MRPL17: variants seen among roughly 807,000 people sequenced by gnomAD.
The protein encoded by MRPL17 is mitochondrial ribosomal protein L17, also known as large ribosomal subunit protein bL17m.
Under a neutral mutation model 12.0 loss-of-function variants are expected in MRPL17, and 8 were observed. The ratio of observed to expected loss-of-function variants is 0.67; its 90% CI spans 0.39 to 1.21. MRPL17 has a LOEUF of 1.21. MRPL17 is among the 50% of genes most tolerant of loss of function. MRPL17 has a pLI of 0.01. For synonymous variants in MRPL17, 107 were observed against 92.9 expected (o/e 1.15, Z -0.87); for missense variants, 263 against 234.4 (o/e 1.12, Z -0.80).
At position 6,682,317 on chromosome 11, in the gene MRPL17, A is replaced by G. The variant is rs1846574809; in HGVS notation, c.329T>C (p.Ile110Thr). 1.2e-6 allele frequency: 2 copies of G among 1,614,026 alleles called. No homozygotes were observed. The highest frequency in any genetic ancestry group is 1.7e-6 in the Non-Finnish European group (2 of 1,180,046). ...QTGGYTRMLQ[I>T]PNRSLDRAKM... ...GGCCCGATCCAAACTCCGATTTGGG[A>G]TCTGCAGCATTCTTGTGTAGCCCCC... Residue 110 changes from isoleucine to threonine, a missense_variant, in exon 3 of 3, where the codon ATC becomes ACC. Ile to Thr is a moderately conservative substitution (Grantham distance 89, BLOSUM62 -1). Coordinates refer to ENST00000288937, the MANE Select transcript of MRPL17 (RefSeq NM_022061.4).
Position 6,681,126 on chromosome 11 carries a change from C to G in MRPL17, c.*992G>C, listed in dbSNP as rs16917015. 12,567 of 152,176 alleles carry G rather than the reference C, an allele frequency of 0.083. 579 individuals carry two copies. The highest frequency in any genetic ancestry group is 0.12 in the African/African-American group (4,904 of 41,496). 9.4% of individuals were successfully genotyped at this position (152,176 alleles called of 1,614,324 possible). On this transcript the variant is annotated 3_prime_UTR_variant, in exon 3 of 3. Coordinates refer to ENST00000288937, the MANE Select transcript of MRPL17 (RefSeq NM_022061.4). ...ACTTTACTGGGGATATGGCAATTAT[C>G]AGGCACTGCTATCAAGTGTTTGGAC...
intron 1 of MRPL17, 99 bp from the exon 2 acceptor site, chr11:6,682,914 A>C: frequency 7.6e-7 from 1 of 1,321,764 alleles, no homozygotes; most frequent in South Asian, 1.3e-5. Context: ...TCCACTAGCC[A>C]AGCATCTCCA....
Position 6,682,289 on chromosome 11 carries a change from C to T in MRPL17, c.357G>A (p.Lys119=), listed in dbSNP as rs773862905. 9.3e-6 allele frequency: 15 copies of T among 1,614,090 alleles called. No homozygotes were observed. Among genetic ancestry groups the T allele is most frequent in the Non-Finnish European group, 1.3e-5 (15 of 1,180,044 alleles). The change falls in exon 3 of 3, where the codon AAG becomes AAA. Residue 119 remains lysine (K), a synonymous_variant. Transcript: ENST00000288937. ...QIPNRSLDRA[K]MAVIEYKGNC... Reference sequence around the variant, plus strand: ...TCCCTTTATACTCGATCACTGCCATCTTGGCCCGATCCAAACTCCGATTTG... The same window carrying T: ...TCCCTTTATACTCGATCACTGCCATTTTGGCCCGATCCAAACTCCGATTTG...
chr11:6,682,309 G>C lies in MRPL17; in HGVS notation c.337C>G (p.Arg113Gly). 2 of 1,614,170 alleles carry C rather than the reference G, an allele frequency of 1.2e-6. No individual in the cohort carries two copies. Among genetic ancestry groups the C allele is most frequent in the Non-Finnish European group, 1.7e-6 (2 of 1,180,030 alleles). The change falls in exon 3 of 3, where the codon CGG (arginine) becomes GGG (glycine). Residue 113 changes from arginine (R) to glycine (G), a missense_variant. Physicochemically the swap from Arg to Gly is moderately radical, Grantham distance 125. Transcript: ENST00000288937. ...GYTRMLQIPNRSLDRAKMAVI... is the reference protein window; with the variant it reads ...GYTRMLQIPNGSLDRAKMAVI... Reference sequence around the variant, plus strand: ...GCCATCTTGGCCCGATCCAAACTCCGATTTGGGATCTGCAGCATTCTTGTG... The same window carrying C: ...GCCATCTTGGCCCGATCCAAACTCCCATTTGGGATCTGCAGCATTCTTGTG...
chr11:6,682,690 A>G lies in MRPL17; in HGVS notation c.243+57T>C. 3.9e-6 allele frequency: 6 copies of G among 1,547,668 alleles called. No individual in the cohort carries two copies. The South Asian group carries it at 6.7e-5, about 17-fold the overall frequency. Reference sequence around the variant, plus strand: ...ATTCTGCATAGTTCTCCTTTTTCCAACCCCCACCCCCAGGGAGCAAAGGGT... The same window carrying G: ...ATTCTGCATAGTTCTCCTTTTTCCAGCCCCCACCCCCAGGGAGCAAAGGGT... On this transcript the variant is annotated intron_variant, in intron 2 of 2. Transcript: ENST00000288937.
chr11:6,681,162 G>A lies in MRPL17; in HGVS notation c.*956C>T, dbSNP rs1221866026. On this transcript the variant is annotated 3_prime_UTR_variant, in exon 3 of 3. Coordinates refer to ENST00000288937, the MANE Select transcript of MRPL17 (RefSeq NM_022061.4). ...ATCAAGTGTTTGGACCAAGACTGAT[G>A]GCTCCTTTCTAAGTCCTTCCATAAC... 1 of 152,170 alleles carries A rather than the reference G, an allele frequency of 6.6e-6. No individual in the cohort carries two copies. The highest frequency in any genetic ancestry group is 1.5e-5 in the Non-Finnish European group (1 of 68,044). The allele number at this position is 152,170 out of a possible 1,614,324, so 9.4% of individuals were successfully genotyped here. A position where few individuals can be genotyped will look rare whatever the true frequency, so the allele number is the denominator to read the frequency against.
chr11:6,680,549 C>G lies in MRPL17; in HGVS notation c.*1569G>C, dbSNP rs1435501272. ...CTTCTGCCTAAATTGATGCTGGGAA[C>G]TAGCAGATGCTCAAAAAGCATGTAG... On this transcript the variant is annotated 3_prime_UTR_variant, in exon 3 of 3. Coordinates refer to ENST00000288937, the MANE Select transcript of MRPL17 (RefSeq NM_022061.4). Among the ~76,000 whole-genome samples the G allele has an allele frequency of 6.6e-6, 1 of 152,180 alleles. No homozygotes were observed. The highest frequency in any genetic ancestry group is 2.4e-5 in the African/African-American group (1 of 41,422).
In MRPL17 at chr11:6,682,736, G is replaced by A. The variant is rs1406503434; in HGVS notation, c.243+11C>T. 2.5e-6 allele frequency: 4 copies of A among 1,613,696 alleles called. No homozygotes were observed. Among genetic ancestry groups the A allele is most frequent in the South Asian group, 1.1e-5 (1 of 91,082 alleles). On this transcript the variant is annotated intron_variant, in intron 2 of 2. Transcript: ENST00000288937. ...AGGGTGGGATTTTGAAGGCAGATAG[G>A]TCGCACTCACTGTGAGCCAGAAGTC... is the stretch of plus-strand genomic sequence containing the variant.
intron 2 of MRPL17, 117 bp downstream of exon 2, chr11:6,682,630 A>G (rs1846578602): frequency 9.3e-7 from 1 of 1,070,854 alleles, no homozygotes; most frequent in Admixed American, 1.9e-5. Flanking sequence ...TAATTTAGTT[A>G]GCAGCACTGG....
chr11:6,683,235 C>G lies in MRPL17; in HGVS notation c.62G>C (p.Gly21Ala). The G allele has an allele frequency of 1.2e-6, 2 of 1,614,124 alleles. No homozygotes were observed. Among genetic ancestry groups the G allele is most frequent in the Non-Finnish European group, 1.7e-6 (2 of 1,180,020 alleles). ...CAACAGATGGATGCGGGACTCGGGA[C>G]CGAGGCCCATACGGCGAAATACGCG... ...HGRVFRRMGLGPESRIHLLRN... is the reference protein window; with the variant it reads ...HGRVFRRMGLAPESRIHLLRN... The change falls in exon 1 of 3, where the codon GGT becomes GCT. Residue 21 changes from glycine (G) to alanine (A), a missense_variant. Coordinates refer to ENST00000288937, the MANE Select transcript of MRPL17 (RefSeq NM_022061.4).
In MRPL17 at chr11:6,680,419, G is replaced by C. The variant is rs767276524; in HGVS notation, c.*1699C>G. Among the ~76,000 whole-genome samples the C allele has an allele frequency of 1.3e-5, 2 of 152,206 alleles. No homozygotes were observed. The highest frequency in any genetic ancestry group is 4.8e-5 in the African/African-American group (2 of 41,448). ...CATTAAAGGGGAAGCAGTGTCCCTT[G>C]AGGCCACTGTGGTAGTGGCAGTGGC... On this transcript the variant is annotated 3_prime_UTR_variant, in exon 3 of 3. Coordinates refer to ENST00000288937, the MANE Select transcript of MRPL17 (RefSeq NM_022061.4).
rs908011052 is a variant in MRPL17, at chr11:6,681,311, T to A, written c.*807A>T. On this transcript the variant is annotated 3_prime_UTR_variant, in exon 3 of 3. Coordinates refer to ENST00000288937, the MANE Select transcript of MRPL17 (RefSeq NM_022061.4). ...TTTCTGGGTTCCCAGAGAGGCCAGA[T>A]TTGACAACAATAAAAACTTCCAGGA... 1.3e-5 allele frequency: 2 copies of A among 152,188 alleles called. No individual in the cohort carries two copies. The highest frequency in any genetic ancestry group is 6.5e-5 in the Admixed American group (1 of 15,282). 9.4% of individuals were successfully genotyped at this position (152,188 alleles called of 1,614,324 possible). A position where few individuals can be genotyped will look rare whatever the true frequency, so the allele number is the denominator to read the frequency against.
At chr11:6,682,673 T>G (rs901592081) in intron 2 of MRPL17, 74 bp downstream of exon 2, 2 of 1,427,510 alleles carry the variant, frequency 1.4e-6, no homozygotes, top group East Asian at 2.3e-5. Flanking sequence ...TAATTCTGCA[T>G]AGTTCTCCTT....
chr11:6,682,018 A>G lies in MRPL17; in HGVS notation c.*100T>C. ...GTTCTCAACCCCATCAAGACTGTCC[A>G]TTTTACATCTCTAGCTCCAGTTCTT... On this transcript the variant is annotated 3_prime_UTR_variant, in exon 3 of 3. Coordinates refer to ENST00000288937, the MANE Select transcript of MRPL17 (RefSeq NM_022061.4). The G allele has an allele frequency of 6.9e-7, 1 of 1,453,110 alleles. No individual in the cohort carries two copies. Among genetic ancestry groups the G allele is most frequent in the South Asian group, 1.4e-5 (1 of 71,768 alleles). 90.0% of individuals were successfully genotyped at this position (1,453,110 alleles called of 1,614,324 possible).
Position 6,681,272 on chromosome 11 carries a change from A to G in MRPL17, c.*846T>C, listed in dbSNP as rs191090825. ...GGGCTCCCAGCTTCTCACATTCTGAAGCCGGATTTCCCTTTTCTGGGTTCC... is the reference window on the plus strand; with the variant it reads ...GGGCTCCCAGCTTCTCACATTCTGAGGCCGGATTTCCCTTTTCTGGGTTCC... On this transcript the variant is annotated 3_prime_UTR_variant, in exon 3 of 3. Coordinates refer to ENST00000288937, the MANE Select transcript of MRPL17 (RefSeq NM_022061.4). The G allele has an allele frequency of 2.6e-5, 4 of 152,346 alleles. No individual in the cohort carries two copies. Among genetic ancestry groups the G allele is most frequent in the African/African-American group, 9.6e-5 (4 of 41,580 alleles). 9.4% of individuals were successfully genotyped at this position (152,346 alleles called of 1,614,324 possible).
In MRPL17 at chr11:6,682,112, A is replaced by G. The variant is rs759272404; in HGVS notation, c.*6T>C. 6.2e-7 allele frequency: 1 copy of G among 1,606,052 alleles called. No individual in the cohort carries two copies. The highest frequency in any genetic ancestry group is 2.2e-5 in the East Asian group (1 of 44,648). ...TGATTAAGGGCTGCAGACTCTTCAG[A>G]TCCAGTTAAATCCCTGGTGTTTGAG... On this transcript the variant is annotated 3_prime_UTR_variant, in exon 3 of 3. Transcript: ENST00000288937.
At chr11:6,682,695 C>A in intron 2 of MRPL17, 52 bp downstream of exon 2, 1 of 1,566,284 alleles carries the variant, frequency 6.4e-7, no homozygotes, top group Admixed American at 1.7e-5. Context: ...TTCCAACCCC[C>A]ACCCCCAGGG....
chr11:6,682,517 C>T, intron 2 of MRPL17, 115 bp from the exon 3 acceptor site: 1 of 1,244,396 alleles, frequency 8.0e-7, no homozygotes, highest in Non-Finnish European at 1.1e-6. Flanking sequence ...CTCCCCCTCC[C>T]CTCGCCAATC....
chr11:6,682,748 G>C lies in MRPL17; in HGVS notation c.242C>G (p.Thr81Arg). The change falls in exon 2 of 3, where the codon ACA (threonine) becomes AGA (arginine). Residue 81 changes from threonine to arginine, a missense_variant and splice_region_variant. Transcript: ENST00000288937. ...RAMRMADFWL[T>R]EKDLIPKLFQ... The stretch of plus-strand genomic sequence containing the variant: ...TGAAGGCAGATAGGTCGCACTCACT[G>C]TGAGCCAGAAGTCAGCCATGCGCAT... The C allele has an allele frequency of 3.7e-6, 6 of 1,614,130 alleles. No homozygotes were observed. The highest frequency in any genetic ancestry group is 2.2e-5 in the East Asian group (1 of 44,878).
Sources: gnomAD v4.1 joint callset for allele counts (sites outside exome capture counted in the v4.1 genomes callset) on GRCh38, gnomAD v4.1.1 for gene constraint, MANE v1.5 for transcripts, NCBI Gene and HGNC (gene_info 2026-07-23, HGNC 2026-07-21) for gene names.